The following DYSF variants were observed in gnomAD, a reference collection of about 807,000 sequenced individuals.
DYSF encodes the protein dystrophy-associated fer-1-like 1.
DYSF carries 212 observed loss-of-function variants against 274.9 expected under a neutral mutation model. The ratio of observed to expected loss-of-function variants is 0.77; its 90% CI spans 0.69 to 0.86. The LOEUF (loss-of-function observed/expected upper bound fraction) is 0.86. Ranked by LOEUF, DYSF falls within the 40% of genes least tolerant of loss-of-function variation. DYSF has a pLI of 0.00. For synonymous variants in DYSF, 1,091 were observed against 1,078.7 expected (o/e 1.01, Z -0.22); for missense variants, 2,666 against 2,783.2 (o/e 0.96, Z 0.95).
In DYSF at chr2:71,680,183, T is replaced by G. The variant is rs184274217; in HGVS notation, c.6064-818T>G. ...CTTTCTCTCTGTGTGTCAAAATATCTTACTGTACTGCCCACGGGTAGCTGA... is the reference window on the plus strand; with the variant it reads ...CTTTCTCTCTGTGTGTCAAAATATCGTACTGTACTGCCCACGGGTAGCTGA... On this transcript the variant is annotated intron_variant, in intron 53 of 55. Transcript: ENST00000410020. Among the ~76,000 whole-genome samples the G allele has an allele frequency of 1.8e-4, 28 of 152,340 alleles. 1 individual carries two copies. In the East Asian group the frequency reaches 4.6e-3, roughly 25 times the overall value.
chr2:71,605,382 G>A (rs2093626912), intron 36 of DYSF, among the ~76,000 whole-genome samples: 1 of 152,244 alleles, frequency 6.6e-6, no homozygotes, highest in South Asian at 2.1e-4. Context: ...GCATGTGCGA[G>A]TGTGTACACT....
chr2:71,563,348 A>G (rs1476395482), intron 23 of DYSF, among the ~76,000 whole-genome samples: 1 of 152,220 alleles, frequency 6.6e-6, no homozygotes, highest in Non-Finnish European at 1.5e-5. Flanking sequence ...CAGGAGCATC[A>G]GCTCAGCAGG....
intron 1 of DYSF, 23 bp downstream of exon 1, chr2:71,466,956 G>T: frequency 5.8e-6 from 9 of 1,547,216 alleles, no homozygotes; most frequent in Non-Finnish European, 7.9e-6. Context: ...TGGCTGCCGC[G>T]CCCATGCTCG....
chr2:71,541,340 A>G (rs10204205), intron 17 of DYSF, among the ~76,000 whole-genome samples: 122,678 of 152,120 alleles, frequency 0.81, 50,926 homozygotes, highest in African/African-American at 0.89. Flanking sequence ...TTAGTTTGTC[A>G]CTTTTACTCT....
chr2:71,595,137 T>G (rs1301465531), intron 32 of DYSF, among the ~76,000 whole-genome samples: 1 of 152,250 alleles, frequency 6.6e-6, no homozygotes, highest in African/African-American at 2.4e-5. Context: ...CAGGGCATAG[T>G]GCCCAATTGC....
At chr2:71,500,154 G>A (rs1463448041) in intron 3 of DYSF, among the ~76,000 whole-genome samples, 1 of 152,160 alleles carries the variant, frequency 6.6e-6, no homozygotes, top group Non-Finnish European at 1.5e-5. Context: ...CCATCCCTGT[G>A]AAATGAATGG....
chr2:71,664,965 C>T (rs1573058128), intron 46 of DYSF, among the ~76,000 whole-genome samples, 197 bp from the exon 47 acceptor site: 1 of 152,198 alleles, frequency 6.6e-6, no homozygotes, highest in African/African-American at 2.4e-5. Flanking sequence ...TTAAATGAGT[C>T]CTTTTCTCTC....
intron 32 of DYSF, among the ~76,000 whole-genome samples, chr2:71,595,384 C>T (rs2093377406): frequency 1.3e-5 from 2 of 152,140 alleles, no homozygotes; most frequent in African/African-American, 4.8e-5. Context: ...GACTAGGAGT[C>T]AGGGGGTCTA....
At chr2:71,666,120 G>T (rs1206638306) in intron 47 of DYSF, among the ~76,000 whole-genome samples, 1 of 149,506 alleles carries the variant, frequency 6.7e-6, no homozygotes, top group African/African-American at 2.5e-5. Context: ...GGCGCCCCCA[G>T]CCCTGCCCCC....
rs749143065 is a variant in DYSF at position 71,561,771 on chromosome 2, C to A, written c.2236C>A (p.His746Asn). Reference protein sequence around the residue: ...AGCSQPLGDIHETPSATHLDQ... With the variant: ...AGCSQPLGDINETPSATHLDQ... ...TCACAGCCAGCCTCTGGGTGACATC[C>A]ATGAGACACCCTCTGCCACCCACCT... Residue 746 changes from histidine to asparagine, a missense_variant, in exon 23 of 56, where the codon CAT (histidine) becomes AAT (asparagine). This residue lies in a region of DYSF where 412 missense variants were observed against 504.0 expected (regional missense o/e 0.82). Coordinates refer to ENST00000410020, the MANE Select transcript of DYSF (RefSeq NM_001130987.2). 6.2e-7 allele frequency: 1 copy of A among 1,614,146 alleles called. No individual in the cohort carries two copies. Among genetic ancestry groups the A allele is most frequent in the South Asian group, 1.1e-5 (1 of 91,076 alleles).
chr2:71,591,475 T>G (rs1290145217), intron 32 of DYSF, among the ~76,000 whole-genome samples: 1 of 152,268 alleles, frequency 6.6e-6, no homozygotes, highest in Non-Finnish European at 1.5e-5. Context: ...TGCTGAGTGC[T>G]CACTATGTGC....
chr2:71,599,922 G>C lies in DYSF; in HGVS notation c.3757-780G>C, dbSNP rs1391976376. Among the ~76,000 whole-genome samples, 3 of 152,206 alleles carry C rather than the reference G, an allele frequency of 2.0e-5. No homozygotes were observed. In the East Asian group the frequency reaches 5.8e-4, roughly 29 times the overall value. ...GTTGGGGTGCTTGGAAGGAAAAGCT[G>C]GTACCATGGGAAGGAATGAGCAACT... is the stretch of plus-strand genomic sequence containing the variant. On this transcript the variant is annotated intron_variant, in intron 33 of 55. Coordinates refer to ENST00000410020, the MANE Select transcript of DYSF (RefSeq NM_001130987.2).
intron 32 of DYSF, among the ~76,000 whole-genome samples, chr2:71,595,871 C>T (rs2093392196): frequency 6.6e-6 from 1 of 152,220 alleles, no homozygotes; most frequent in Admixed American, 6.5e-5. Context: ...CTCACCTTCC[C>T]CTCCACCGCT....
chr2:71,478,312 C>G (rs186776170), intron 1 of DYSF, among the ~76,000 whole-genome samples: 5 of 151,490 alleles, frequency 3.3e-5, no homozygotes, highest in Middle Eastern at 3.4e-3. Flanking sequence ...CCTGGGTTCA[C>G]GCCATTCTCC....
Position 71,561,869 on chromosome 2 carries a change from C to T in DYSF, c.2334C>T (p.Leu778=), listed in dbSNP as rs116204385. The T allele has an allele frequency of 5.6e-4, 905 of 1,614,140 alleles. 3 individuals carry two copies. In the African/African-American group the frequency reaches 0.011, roughly 20 times the overall value. ...CTGAGGCTGCCCTGGCCCTGAAGCT[C>T]GGCCACAGTGAGCTCCCTGCAGCTC... ...QITEAALALK[L]GHSELPAALE... Residue 778 remains leucine (L), a synonymous_variant, in exon 23 of 56, where the codon CTC becomes CTT. Transcript: ENST00000410020.
Position 71,589,589 on chromosome 2 carries a change from C to A in DYSF, c.3403-4C>A. On this transcript the variant is annotated splice_region_variant and splice_polypyrimidine_tract_variant and intron_variant, in intron 30 of 55. Transcript: ENST00000410020. ...ATCTGCCATAACCAGCTTCGTGTCTCCAGGGCGGCGTGATGGATGACAAGA... is the reference window on the plus strand; with the variant it reads ...ATCTGCCATAACCAGCTTCGTGTCTACAGGGCGGCGTGATGGATGACAAGA... 1.2e-6 allele frequency: 2 copies of A among 1,613,964 alleles called. No individual in the cohort carries two copies. The highest frequency in any genetic ancestry group is 2.2e-5 in the South Asian group (2 of 91,078).
chr2:71,602,038 C>T (rs1258308311), intron 35 of DYSF, among the ~76,000 whole-genome samples: 2 of 152,242 alleles, frequency 1.3e-5, no homozygotes, highest in African/African-American at 2.4e-5. Flanking sequence ...ACATTTCCCA[C>T]TGAATTGTTC....
chr2:71,621,633 TATATGTATA>T (rs1319396298), intron 41 of DYSF, among the ~76,000 whole-genome samples: 1 of 150,612 alleles, frequency 6.6e-6, no homozygotes, highest in Non-Finnish European at 1.5e-5. Flanking sequence ...GTATATATAA[TATATGTATA>T]ATATGTATGT....
At chr2:71,628,779 C>T (rs182441382) in intron 41 of DYSF, among the ~76,000 whole-genome samples, 19 of 151,984 alleles carry the variant, frequency 1.3e-4, no homozygotes, top group African/African-American at 4.1e-4. Flanking sequence ...AGCAAAACCC[C>T]GTCTCTACAA....
Sources: allele counts gnomAD v4.1 joint callset (sites outside exome capture counted in the v4.1 genomes callset), GRCh38; gene constraint gnomAD v4.1.1; regional missense constraint gnomAD v4.1.1; transcripts MANE v1.5; gene names NCBI Gene and HGNC (gene_info 2026-07-23, HGNC 2026-07-21).